Variants in ZBTB20 observed in about 807,000 individuals in gnomAD.
The protein encoded by ZBTB20 is zinc finger and BTB domain containing 20.
ZBTB20 carries 9 observed loss-of-function variants against 56.9 expected under a neutral mutation model. The ratio of observed to expected loss-of-function variants is 0.16; its 90% CI spans 0.10 to 0.28. The LOEUF (loss-of-function observed/expected upper bound fraction) is 0.28. ZBTB20 is among the 10% of genes least tolerant of loss of function. ZBTB20 has a pLI of 1.00. For synonymous variants in ZBTB20, 417 were observed against 420.7 expected (o/e 0.99, Z 0.11); for missense variants, 655 against 1,003.0 (o/e 0.65, Z 4.69).
At chr3:114,610,162 C>T (rs2057447578) in intron 6 of ZBTB20, among the ~76,000 whole-genome samples, 1 of 152,190 alleles carries the variant, frequency 6.6e-6, no homozygotes, top group South Asian at 2.1e-4. Context: ...AAGAGCTGTG[C>T]CCTGTCTGCT....
intron 3 of ZBTB20, among the ~76,000 whole-genome samples, chr3:114,969,798 C>A (rs1370892437): frequency 6.6e-6 from 1 of 151,930 alleles, no homozygotes; most frequent in Non-Finnish European, 1.5e-5. Context: ...TTCTCTGAAC[C>A]AACAAAAATG....
intron 2 of ZBTB20, among the ~76,000 whole-genome samples, chr3:115,069,422 C>A (rs2082324953): frequency 6.6e-6 from 1 of 152,050 alleles, no homozygotes; most frequent in South Asian, 2.1e-4. Context: ...TGTAAGCATT[C>A]CACACACCTC....
At chr3:114,801,204 AGT>A (rs1363733410) in intron 4 of ZBTB20, 30 bp from the exon 5 acceptor site, 3 of 151,946 alleles carry the variant, frequency 2.0e-5, no homozygotes, top group Non-Finnish European at 4.4e-5. Flanking sequence ...AATCTCTTTC[AGT>A]TATAATTGGT....
rs375336679 is a variant in ZBTB20, at chr3:114,748,354, C to T, written c.-343+52747G>A. Among the ~76,000 whole-genome samples, 300 of 112,036 alleles carry T rather than the reference C, an allele frequency of 2.7e-3. 3 individuals carry two copies. The highest frequency in any genetic ancestry group is 4.4e-3 in the Middle Eastern group (1 of 226). 73.5% of individuals were successfully genotyped at this position (112,036 alleles called of 152,430 possible). Reference sequence around the variant, plus strand: ...TCTTTCTTCTTTCTTTCTTTCTTTTCTCTCTCTCTCTCTCTCTCTCTCTCT... The same window carrying T: ...TCTTTCTTCTTTCTTTCTTTCTTTTTTCTCTCTCTCTCTCTCTCTCTCTCT... On this transcript the variant is annotated intron_variant, in intron 5 of 11. Transcript: ENST00000675478.
At chr3:114,407,642 T>G (rs561861230) in intron 7 of ZBTB20, among the ~76,000 whole-genome samples, 1 of 152,278 alleles carries the variant, frequency 6.6e-6, no homozygotes, top group African/African-American at 2.4e-5. Flanking sequence ...GGACTGCTAA[T>G]GGGAACTCTG....
chr3:114,872,449 G>C (rs2107545138), intron 4 of ZBTB20, among the ~76,000 whole-genome samples: 1 of 152,220 alleles, frequency 6.6e-6, no homozygotes, highest in Non-Finnish European at 1.5e-5. Context: ...GACTCAGGTT[G>C]AGTAGAGAAG....
chr3:115,058,200 A>G (rs2081881812), intron 2 of ZBTB20, among the ~76,000 whole-genome samples: 1 of 152,188 alleles, frequency 6.6e-6, no homozygotes, highest in Non-Finnish European at 1.5e-5. Context: ...CAAACATATC[A>G]ATGAAATTCT....
chr3:114,432,609 G>A (rs1158502446), intron 7 of ZBTB20, among the ~76,000 whole-genome samples: 1 of 152,178 alleles, frequency 6.6e-6, no homozygotes, highest in Non-Finnish European at 1.5e-5. Flanking sequence ...TTCTGAGGGG[G>A]ACAGTAAACA....
At chr3:114,780,952 C>T (rs1337050539) in intron 5 of ZBTB20, among the ~76,000 whole-genome samples, 3 of 152,000 alleles carry the variant, frequency 2.0e-5, no homozygotes, top group Admixed American at 2.0e-4. Context: ...CTCTCACTTC[C>T]CCAGAATATG....
At chr3:114,544,257 T>G (rs1053836706) in intron 6 of ZBTB20, among the ~76,000 whole-genome samples, 1 of 151,618 alleles carries the variant, frequency 6.6e-6, no homozygotes, top group Non-Finnish European at 1.5e-5. Flanking sequence ...TTTTACCTTC[T>G]TTCTAAAATG....
At chr3:114,646,961 T>C (rs113298214) in intron 6 of ZBTB20, among the ~76,000 whole-genome samples, 2,021 of 151,960 alleles carry the variant, frequency 0.013, 46 homozygotes, top group African/African-American at 0.046. Flanking sequence ...TTTTATTTTA[T>C]TTATTTATTT....
intron 4 of ZBTB20, among the ~76,000 whole-genome samples, chr3:114,805,379 T>C (rs775137410): frequency 1.3e-4 from 20 of 151,976 alleles, no homozygotes; most frequent in Admixed American, 3.9e-4. Context: ...TGACTGATAA[T>C]TGTGAAGACT....
intron 2 of ZBTB20, among the ~76,000 whole-genome samples, chr3:115,013,876 A>G (rs1218582284): frequency 1.3e-5 from 2 of 151,232 alleles, no homozygotes; most frequent in Admixed American, 1.3e-4. Flanking sequence ...AAAAAACTAA[A>G]AACATCTACC....
rs144869279 is a variant in ZBTB20, at chr3:114,734,296, A to T, written c.-342-40721T>A. On this transcript the variant is annotated intron_variant, in intron 5 of 11. Transcript: ENST00000675478. Reference sequence around the variant, plus strand: ...TAAATTTAAAAAACACTGGAGACCAATGTGTTATTACAAGTTAATTATGTA... The same window carrying T: ...TAAATTTAAAAAACACTGGAGACCATTGTGTTATTACAAGTTAATTATGTA... Among the ~76,000 whole-genome samples the T allele has an allele frequency of 2.6e-3, 392 of 152,206 alleles. 3 individuals carry two copies. The highest frequency in any genetic ancestry group is 8.9e-3 in the African/African-American group (372 of 41,566).
chr3:114,757,443 T>C (rs944486232), intron 5 of ZBTB20, among the ~76,000 whole-genome samples: 2 of 152,176 alleles, frequency 1.3e-5, no homozygotes, highest in Non-Finnish European at 2.9e-5. Context: ...CATAGAACTC[T>C]GGTTCAATTT....
chr3:114,781,471 C>T (rs1293646633), intron 5 of ZBTB20, among the ~76,000 whole-genome samples: 2 of 152,046 alleles, frequency 1.3e-5, no homozygotes, highest in Non-Finnish European at 2.9e-5. Flanking sequence ...CAAATGGCTG[C>T]CTAACTTAAT....
intron 4 of ZBTB20, among the ~76,000 whole-genome samples, chr3:114,883,756 T>C (rs2107598096): frequency 6.6e-6 from 1 of 152,108 alleles, no homozygotes; most frequent in Admixed American, 6.5e-5. Flanking sequence ...TGACAAATTA[T>C]ATGGTCATAT....
chr3:115,107,990 G>A (rs2083771915), intron 1 of ZBTB20, among the ~76,000 whole-genome samples: 1 of 152,188 alleles, frequency 6.6e-6, no homozygotes, highest in Non-Finnish European at 1.5e-5. Context: ...CTGTCGGCGG[G>A]TGGGGGGTGA....
chr3:115,132,393 T>C (rs2084532464), intron 1 of ZBTB20, among the ~76,000 whole-genome samples: 1 of 152,088 alleles, frequency 6.6e-6, no homozygotes, highest in Non-Finnish European at 1.5e-5. Context: ...ACCTTATCAA[T>C]TTTTCTTACT....
Sources: allele counts gnomAD v4.1 joint callset (sites outside exome capture counted in the v4.1 genomes callset), GRCh38; gene constraint gnomAD v4.1.1; transcripts MANE v1.5; gene names NCBI Gene and HGNC (gene_info 2026-07-23, HGNC 2026-07-21).